The following FOXN3 variants were observed in gnomAD, a reference collection of about 807,000 sequenced individuals.
FOXN3 encodes the protein forkhead box protein N3.
FOXN3 carries 7 observed loss-of-function variants against 38.4 expected under a neutral mutation model. The ratio of observed to expected loss-of-function variants is 0.18; its 90% CI spans 0.10 to 0.34. The LOEUF is 0.34. FOXN3 is among the 10% of genes least tolerant of loss of function. The pLI is 1.00. For synonymous variants in FOXN3, 230 were observed against 242.2 expected (o/e 0.95, Z 0.47); for missense variants, 456 against 613.4 (o/e 0.74, Z 2.71).
intron 2 of FOXN3, among the ~76,000 whole-genome samples, chr14:89,372,663 G>A (rs920059510): frequency 2.0e-5 from 3 of 151,418 alleles, no homozygotes; most frequent in Non-Finnish European, 4.4e-5. Flanking sequence ...TAACCCACAG[G>A]AAATTAAAAC....
chr14:89,197,503 C>CAAA (rs5810450), intron 4 of FOXN3, among the ~76,000 whole-genome samples: 1 of 144,138 alleles, frequency 6.9e-6, no homozygotes. Flanking sequence ...AAGACTGTGT[C>CAAA]AAAAAAAAAA....
intron 1 of FOXN3, among the ~76,000 whole-genome samples, chr14:89,572,424 T>C (rs1404617348): frequency 2.0e-5 from 3 of 152,226 alleles, no homozygotes; most frequent in African/African-American, 7.2e-5. Flanking sequence ...TTGATAAGTT[T>C]AGACATGCTC....
chr14:89,454,732 A>C (rs1165865345), intron 1 of FOXN3, among the ~76,000 whole-genome samples: 1 of 152,230 alleles, frequency 6.6e-6, no homozygotes, highest in African/African-American at 2.4e-5. Flanking sequence ...AGCAGGTTTA[A>C]AGTCTCCATG....
At chr14:89,240,026 C>T (rs1024683788) in intron 4 of FOXN3, among the ~76,000 whole-genome samples, 2 of 152,208 alleles carry the variant, frequency 1.3e-5, no homozygotes. Context: ...CAAAGCTCCA[C>T]TCTGTGTGGA....
Position 89,180,919 on chromosome 14 carries a change from G to GAGAACATGCATGGAGC in FOXN3, c.746-114_746-113insGCTCCATGCATGTTCT, listed in dbSNP as rs1887652131. ...AAGAGAGAGAGAGAGACAGAGGGCA[G>GAGAACATGCATGGAGC]AGACAGAGAGAAACACACACACACA... On this transcript the variant is annotated intron_variant, in intron 4 of 5. Coordinates refer to ENST00000557258, the MANE Select transcript of FOXN3 (RefSeq NM_005197.4). 6.1e-6 allele frequency: 4 copies of GAGAACATGCATGGAGC among 655,114 alleles called. No individual in the cohort carries two copies. The African/African-American group carries it at 7.9e-5, about 13-fold the overall frequency. 40.6% of individuals were successfully genotyped at this position (655,114 alleles called of 1,614,324 possible). A position where few individuals can be genotyped will look rare whatever the true frequency, so the allele number is the denominator to read the frequency against.
intron 4 of FOXN3, among the ~76,000 whole-genome samples, chr14:89,234,902 C>T (rs1884935677): frequency 6.6e-6 from 1 of 152,152 alleles, no homozygotes. Context: ...CTGTTGAAGT[C>T]TTACTCACTC....
intron 3 of FOXN3, among the ~76,000 whole-genome samples, chr14:89,323,210 C>G (rs1887942245): frequency 1.3e-5 from 2 of 151,024 alleles, no homozygotes; most frequent in African/African-American, 4.9e-5. Flanking sequence ...ATCGTTTGAA[C>G]CCAGGAGGCA....
intron 1 of FOXN3, among the ~76,000 whole-genome samples, chr14:89,460,642 TATCA>T (rs34440394): frequency 1.8e-4 from 28 of 151,880 alleles, no homozygotes; most frequent in African/African-American, 2.9e-4. Context: ...TAAGTAGAGT[TATCA>T]ATCAATCAAT....
At chr14:89,401,071 G>A (rs901386935) in intron 2 of FOXN3, among the ~76,000 whole-genome samples, 9 of 152,138 alleles carry the variant, frequency 5.9e-5, no homozygotes, top group Non-Finnish European at 1.5e-5. Context: ...AGGGTAGCAC[G>A]AATGAACCAC....
intron 4 of FOXN3, among the ~76,000 whole-genome samples, chr14:89,223,684 C>T (rs930515390): frequency 6.6e-6 from 1 of 152,178 alleles, no homozygotes; most frequent in African/African-American, 2.4e-5. Flanking sequence ...GGGCCGGGTG[C>T]GGCGCTGGTT....
intron 3 of FOXN3, among the ~76,000 whole-genome samples, chr14:89,301,971 T>G (rs1887230578): frequency 6.6e-6 from 1 of 152,022 alleles, no homozygotes. Context: ...TGTACCAACC[T>G]TTTCCTTGCT....
chr14:89,343,772 T>A (rs1888687340), intron 3 of FOXN3, among the ~76,000 whole-genome samples: 1 of 151,300 alleles, frequency 6.6e-6, no homozygotes, highest in Non-Finnish European at 1.5e-5. Flanking sequence ...TTTGGTTGGT[T>A]TGTTTGTTTT....
chr14:89,600,987 T>C (rs553817143), intron 1 of FOXN3, among the ~76,000 whole-genome samples: 1 of 152,158 alleles, frequency 6.6e-6, no homozygotes, highest in South Asian at 2.1e-4. Context: ...ACATAATAAG[T>C]AAAGGGCTTG....
At chr14:89,503,689 C>T (rs1465177276) in intron 1 of FOXN3, among the ~76,000 whole-genome samples, 49 of 152,188 alleles carry the variant, frequency 3.2e-4, no homozygotes, top group Admixed American at 3.2e-3. Flanking sequence ...GGGCTTCTGG[C>T]ACAGCCTGGC....
chr14:89,235,233 C>A (rs888602686), intron 4 of FOXN3, among the ~76,000 whole-genome samples: 1 of 152,174 alleles, frequency 6.6e-6, no homozygotes, highest in Non-Finnish European at 1.5e-5. Context: ...CCCTTTGGAA[C>A]CAGGGGCTGT....
chr14:89,533,767 G>A (rs1894626862), intron 1 of FOXN3, among the ~76,000 whole-genome samples: 1 of 147,878 alleles, frequency 6.8e-6, no homozygotes, highest in Admixed American at 6.8e-5. Flanking sequence ...TCTTCCTTAT[G>A]TTACAGCATA....
Position 89,360,724 on chromosome 14 carries a change from C to G in FOXN3, c.544-9916G>C, listed in dbSNP as rs778387572. Among the ~76,000 whole-genome samples, 415 of 134,736 alleles carry G rather than the reference C, an allele frequency of 3.1e-3. 5 individuals carry two copies. Among genetic ancestry groups the G allele is most frequent in the South Asian group, 5.1e-3 (22 of 4,304 alleles). The allele number at this position is 134,736 out of a possible 152,430, so 88.4% of individuals were successfully genotyped here. On this transcript the variant is annotated intron_variant, in intron 2 of 5. Coordinates refer to ENST00000557258, the MANE Select transcript of FOXN3 (RefSeq NM_005197.4). ...ACCACCACCTCCAGCACTACCTCCA[C>G]CACCACCACCTCCAGCACCACCTCC...
intron 2 of FOXN3, among the ~76,000 whole-genome samples, chr14:89,365,547 C>T (rs1019897127): frequency 2.6e-5 from 4 of 152,336 alleles, no homozygotes; most frequent in Admixed American, 2.0e-4. Context: ...TTTTATCCAA[C>T]TAAATCTTAG....
chr14:89,188,592 G>GCTATATGGGAC (rs749582941), intron 4 of FOXN3, among the ~76,000 whole-genome samples: 9 of 152,208 alleles, frequency 5.9e-5, no homozygotes, highest in Non-Finnish European at 4.4e-5. Flanking sequence ...GCCTCTTCTA[G>GCTATATGGGAC]CAGAAGGTCA....
Sources: allele counts gnomAD v4.1 joint callset (sites outside exome capture counted in the v4.1 genomes callset), GRCh38; gene constraint gnomAD v4.1.1; transcripts MANE v1.5; gene names NCBI Gene and HGNC (gene_info 2026-07-23, HGNC 2026-07-21).